The following IMMT variants were observed in gnomAD, a reference collection of about 807,000 sequenced individuals.
The protein encoded by IMMT is MICOS complex subunit MIC60.
IMMT carries 40 observed loss-of-function variants against 92.7 expected under a neutral mutation model. The ratio of observed to expected loss-of-function variants is 0.43; its 90% CI spans 0.34 to 0.56. The LOEUF (loss-of-function observed/expected upper bound fraction) is 0.56, where lower values mean the gene tolerates loss of function less well. IMMT is among the 20% of genes least tolerant of loss of function. The pLI, the probability that IMMT is intolerant of heterozygous loss-of-function variation, is 0.03. For missense variants in IMMT, 831 were observed against 912.1 expected (o/e 0.91, Z 1.14); for synonymous variants, 322 against 336.1 (o/e 0.96, Z 0.46).
chr2:86,185,112 A>G (rs1225558391), intron 1 of IMMT, among the ~76,000 whole-genome samples: 2 of 151,996 alleles, frequency 1.3e-5, no homozygotes, highest in Non-Finnish European at 2.9e-5. Context: ...CCCGGGAGGC[A>G]GAGCTTGCAG....
intron 4 of IMMT, among the ~76,000 whole-genome samples, chr2:86,173,009 T>G (rs1677202996): frequency 6.6e-6 from 1 of 152,226 alleles, no homozygotes; most frequent in Non-Finnish European, 1.5e-5. Flanking sequence ...ATTTTTTAAC[T>G]GTTTTTGTTC....
intron 3 of IMMT, among the ~76,000 whole-genome samples, chr2:86,177,149 C>T (rs894723537): frequency 4.6e-5 from 7 of 152,074 alleles, no homozygotes; most frequent in Admixed American, 2.6e-4. Flanking sequence ...ACAGTAAGTC[C>T]ACCCAGTTTC....
At position 86,152,440 on chromosome 2, in the gene IMMT, C is replaced by CAAAAAAAAAAAAA. The variant is rs772186185; in HGVS notation, c.1178-933_1178-921dup. ...TGGGCAACAGAGCAAGACTCCATCTCAAAAAAAAAAAAAAAAAAGAGAGAA... is the reference window on the plus strand; with the variant it reads ...TGGGCAACAGAGCAAGACTCCATCTCAAAAAAAAAAAAAAAAAAAAAAAAAAAAAAAGAGAGAA... On this transcript the variant is annotated intron_variant, in intron 11 of 14. Transcript: ENST00000410111. Among the ~76,000 whole-genome samples, 33 of 76,842 alleles carry CAAAAAAAAAAAAA rather than the reference C, an allele frequency of 4.3e-4. 3 individuals carry two copies. The highest frequency in any genetic ancestry group is 1.4e-3 in the African/African-American group (26 of 18,518). 50.4% of individuals were successfully genotyped at this position (76,842 alleles called of 152,430 possible). A position where few individuals can be genotyped will look rare whatever the true frequency, so the allele number is the denominator to read the frequency against.
chr2:86,173,271 A>G (rs1418438489), intron 4 of IMMT, among the ~76,000 whole-genome samples: 1 of 152,198 alleles, frequency 6.6e-6, no homozygotes, highest in Non-Finnish European at 1.5e-5. Flanking sequence ...TCACTAAGAA[A>G]GAAGAGAGGA....
chr2:86,157,714 G>A (rs190334033), intron 10 of IMMT, among the ~76,000 whole-genome samples: 23 of 151,574 alleles, frequency 1.5e-4, no homozygotes, highest in Non-Finnish European at 3.2e-4. Flanking sequence ...CTTGAACGTG[G>A]GAGGCGGAGG....
intron 1 of IMMT, among the ~76,000 whole-genome samples, chr2:86,190,964 G>A (rs566144255): frequency 3.3e-5 from 5 of 152,304 alleles, no homozygotes; most frequent in South Asian, 4.2e-4. Flanking sequence ...ATTCCAGCCT[G>A]GGCAAAGAAT....
chr2:86,179,298 G>A (rs1256055630), intron 3 of IMMT, 135 bp downstream of exon 3: 2 of 655,694 alleles, frequency 3.1e-6, no homozygotes, highest in Non-Finnish European at 5.1e-6. Flanking sequence ...GAGCATCCAT[G>A]GGATTTTTGT....
chr2:86,150,895 T>C (rs1195920978), intron 12 of IMMT, among the ~76,000 whole-genome samples: 1 of 151,570 alleles, frequency 6.6e-6, no homozygotes, highest in Non-Finnish European at 1.5e-5. Flanking sequence ...TTATATTCAA[T>C]ATCCTAAAGC....
Position 86,151,418 on chromosome 2 carries a change from T to C in IMMT, c.1280A>G (p.Lys427Arg), listed in dbSNP as rs1288533313. Residue 427 changes from lysine (K) to arginine (R), a missense_variant, in exon 12 of 15, where the codon AAG becomes AGG. Transcript: ENST00000410111. ...RELAEQKATE[K>R]QHITLALEKQ... ...CTCCAAGGCTAACGTGATGTGCTGC[T>C]TTTCGGTGGCCTTCTGTTCTGCCAG... The C allele has an allele frequency of 6.2e-7, 1 of 1,614,030 alleles. No homozygotes were observed. Among genetic ancestry groups the C allele is most frequent in the South Asian group, 1.1e-5 (1 of 91,082 alleles).
intron 14 of IMMT, among the ~76,000 whole-genome samples, chr2:86,145,609 A>C (rs994211584): frequency 2.0e-5 from 3 of 152,132 alleles, no homozygotes; most frequent in Admixed American, 1.3e-4. Context: ...GTGACAAAAA[A>C]AGATTCCATA....
At chr2:86,187,860 C>T (rs575207874) in intron 1 of IMMT, among the ~76,000 whole-genome samples, 4 of 150,354 alleles carry the variant, frequency 2.7e-5, no homozygotes, top group Non-Finnish European at 4.4e-5. Context: ...TGCGGTGAGC[C>T]GAGATCGCGC....
intron 3 of IMMT, among the ~76,000 whole-genome samples, chr2:86,178,317 C>CAAAAA (rs58264892): frequency 5.6e-5 from 5 of 89,722 alleles, no homozygotes; most frequent in Admixed American, 1.4e-4. Flanking sequence ...GACTCCATCT[C>CAAAAA]AAAAAAAAAA....
At chr2:86,180,339 C>T (rs923012776) in intron 2 of IMMT, among the ~76,000 whole-genome samples, 1 of 152,008 alleles carries the variant, frequency 6.6e-6, no homozygotes, top group Admixed American at 6.5e-5. Flanking sequence ...GATCTTGGCT[C>T]ACTGCAACCT....
At chr2:86,177,482 T>C (rs1024325470) in intron 3 of IMMT, among the ~76,000 whole-genome samples, 1 of 152,042 alleles carries the variant, frequency 6.6e-6, no homozygotes, top group Non-Finnish European at 1.5e-5. Flanking sequence ...TGCACGCCTG[T>C]AGTCCCAGCT....
intron 8 of IMMT, among the ~76,000 whole-genome samples, chr2:86,161,582 C>T (rs955257685): frequency 2.0e-5 from 3 of 147,162 alleles, no homozygotes; most frequent in East Asian, 2.0e-4. Flanking sequence ...GGCATCATCT[C>T]GGCTCACTGC....
chr2:86,194,676 G>A (rs916856556), intron 1 of IMMT, among the ~76,000 whole-genome samples: 1 of 152,138 alleles, frequency 6.6e-6, no homozygotes, highest in East Asian at 1.9e-4. Flanking sequence ...CTCCTTGAAT[G>A]TCAAAGTAGT....
rs139616172 is a variant in IMMT, at chr2:86,182,229, G to T, written c.46-857C>A. 6.1e-3 allele frequency among the ~76,000 whole-genome samples: 935 copies of T among 152,186 alleles called. 7 individuals are homozygous for T. The highest frequency in any genetic ancestry group is 0.021 in the African/African-American group (862 of 41,510). On this transcript the variant is annotated intron_variant, in intron 1 of 14. Coordinates refer to ENST00000410111, the MANE Select transcript of IMMT (RefSeq NM_006839.3). ...ATTTACACTTATCAAATCCATAAAA[G>T]TATCTTTTTAAAAAATACTAGGAAA... is the stretch of plus-strand genomic sequence containing the variant.
chr2:86,144,592 G>C lies in IMMT; in HGVS notation c.1953C>G (p.Thr651=). Residue 651 remains threonine, a synonymous_variant, in exon 15 of 15, where the codon ACC becomes ACG. Transcript: ENST00000410111. ...LARRVAMIDE[T]RNSLYQYFLS... is the part of the protein sequence containing the mutation. ...GGAAGTACTGGTACAAGCTATTTCT[G>C]GTTTCATCAATCATTGCTACCCTTC... The C allele has an allele frequency of 6.2e-7, 1 of 1,613,990 alleles. No homozygotes were observed. Among genetic ancestry groups the C allele is most frequent in the Non-Finnish European group, 8.5e-7 (1 of 1,179,892 alleles).
chr2:86,175,376 T>C (rs1191712847), intron 3 of IMMT, among the ~76,000 whole-genome samples: 1 of 152,166 alleles, frequency 6.6e-6, no homozygotes, highest in Non-Finnish European at 1.5e-5. Flanking sequence ...TATACATTTC[T>C]CTCAAATATA....
Sources: allele counts gnomAD v4.1 joint callset (sites outside exome capture counted in the v4.1 genomes callset), GRCh38; gene constraint gnomAD v4.1.1; transcripts MANE v1.5; gene names NCBI Gene and HGNC (gene_info 2026-07-23, HGNC 2026-07-21).